ENOSF1: variants seen among roughly 807,000 people sequenced by gnomAD.
The protein encoded by ENOSF1 is mitochondrial enolase superfamily member 1.
Under a neutral mutation model 68.2 loss-of-function variants are expected in ENOSF1, and 73 were observed. That is an observed-to-expected ratio of 1.07 (90% CI 0.89 to 1.30). ENOSF1 has a LOEUF of 1.30. Among genes scored for constraint, ENOSF1 ranks in the 50% most tolerant of loss-of-function variants. The pLI is 0.00. For synonymous variants in ENOSF1, 223 were observed against 210.4 expected, an observed-to-expected ratio of 1.06 and a Z score of -0.52; for missense variants, 589 against 554.5, an observed-to-expected ratio of 1.06 and a Z score of -0.62.
At chr18:682,286 T>C (rs947232807) in intron 11 of ENOSF1, among the ~76,000 whole-genome samples, 2 of 152,172 alleles carry the variant, frequency 1.3e-5, no homozygotes, top group East Asian at 1.9e-4. Flanking sequence ...GCATGGCCTA[T>C]TGCTCCCAGG....
In ENOSF1 at chr18:712,529, A is replaced by C. The variant is rs568191831; in HGVS notation, c.59T>G (p.Leu20Arg). The C allele has an allele frequency of 6.5e-7, 1 of 1,539,454 alleles. No homozygotes were observed. The highest frequency in any genetic ancestry group is 2.4e-5 in the East Asian group (1 of 40,836). The stretch of plus-strand genomic sequence containing the variant: ...CATGGCGTCCGCGCCGTGGCCCCCA[A>C]GCGACGTGGGGAAGCGCACGTCCCG... ...SVRDVRFPTS[L>R]GGHGADAMHT... is the part of the protein sequence containing the mutation. Residue 20 changes from leucine (L) to arginine (R), a missense_variant, in exon 1 of 16, where the codon CTT becomes CGT. By Grantham distance (102) the Leu-to-Arg change is moderately radical. Transcript: ENST00000647584.
intron 5 of ENOSF1, 96 bp from the exon 6 acceptor site, chr18:691,372 G>T (rs1466952850): frequency 9.9e-7 from 1 of 1,006,102 alleles, no homozygotes; most frequent in African/African-American, 1.6e-5. Context: ...TAGAGACAAG[G>T]TCTCACTCTG....
In ENOSF1 at chr18:683,399, C is replaced by G. The variant is rs780217695; in HGVS notation, c.742-19G>C. ...CCATCATCTGCAAAAAGAGACTCTT[C>G]ACAGGGAGGTCAGCCCTGAGCCAAC... On this transcript the variant is annotated intron_variant, in intron 10 of 15. Coordinates refer to ENST00000647584, the MANE Select transcript of ENOSF1 (RefSeq NM_017512.7). The G allele has an allele frequency of 1.8e-5, 29 of 1,613,830 alleles. 1 individual carries two copies. In the East Asian group the frequency reaches 2.2e-4, roughly 12 times the overall value.
intron 4 of ENOSF1, 105 bp from the exon 5 acceptor site, chr18:694,013 G>T: frequency 7.7e-7 from 1 of 1,306,722 alleles, no homozygotes; most frequent in Non-Finnish European, 1.1e-6. Flanking sequence ...CAGCCACCAG[G>T]TCCCCACACC....
intron 5 of ENOSF1, 199 bp from the exon 6 acceptor site, chr18:691,475 A>C: frequency 1.8e-6 from 1 of 551,564 alleles, no homozygotes; most frequent in Non-Finnish European, 3.2e-6. Flanking sequence ...CCTCCTGAGT[A>C]GCTGGGACTC....
rs1307007684 is a variant in ENOSF1 at position 670,622 on chromosome 18, TTTTAC to T, written c.*3678_*3682del. 6.5e-6 allele frequency: 10 copies of T among 1,550,116 alleles called. No homozygotes were observed. In the African/African-American group the frequency reaches 1.1e-4, roughly 17 times the overall value. ...TGAGTTGGCTTCTGTTTCTCTCCTGTTTTACTTTGCCTTTAGCTGTGGTCTTTCAA... is the reference window on the plus strand; with the variant it reads ...TGAGTTGGCTTCTGTTTCTCTCCTGTTTTGCCTTTAGCTGTGGTCTTTCAA... On this transcript the variant is annotated 3_prime_UTR_variant, in exon 16 of 16. Coordinates refer to ENST00000647584, the MANE Select transcript of ENOSF1 (RefSeq NM_017512.7).
At chr18:681,680 T>C (rs1229279750) in intron 11 of ENOSF1, among the ~76,000 whole-genome samples, 2 of 152,222 alleles carry the variant, frequency 1.3e-5, no homozygotes, top group East Asian at 1.9e-4. Flanking sequence ...GCTTTCCTTA[T>C]GGAGTCAGCT....
Position 693,927 on chromosome 18 carries a change from G to A in ENOSF1, c.397-19C>T, listed in dbSNP as rs1316569025. On this transcript the variant is annotated intron_variant, in intron 4 of 15. Transcript: ENST00000647584. ...AGACAGGCTTGAAGTAAAAAAGAAA[G>A]GATTTGTAAGACATATGTGTAAAGT... is the stretch of plus-strand genomic sequence containing the variant. The A allele has an allele frequency of 1.9e-6, 3 of 1,613,666 alleles. No individual in the cohort carries two copies. Among genetic ancestry groups the A allele is most frequent in the Non-Finnish European group, 2.5e-6 (3 of 1,179,858 alleles).
intron 10 of ENOSF1, 27 bp from the exon 11 acceptor site, chr18:683,407 G>C: frequency 6.2e-7 from 1 of 1,613,234 alleles, no homozygotes. Flanking sequence ...TTCACAGGGA[G>C]GTCAGCCCTG....
At position 670,898 on chromosome 18, in the gene ENOSF1, G is replaced by C; in HGVS notation, c.*3407C>G. 6.2e-7 allele frequency: 1 copy of C among 1,611,650 alleles called. No individual in the cohort carries two copies. The highest frequency in any genetic ancestry group is 8.5e-7 in the Non-Finnish European group (1 of 1,178,408). ...CTGTCTCGGGAAGGGTGACTTGCCA[G>C]CCTACCACACTGAGCTCTTCAGTTC... On this transcript the variant is annotated 3_prime_UTR_variant, in exon 16 of 16. Coordinates refer to ENST00000647584, the MANE Select transcript of ENOSF1 (RefSeq NM_017512.7).
downstream of ENOSF1, among the ~76,000 whole-genome samples, chr18:666,986 GT>G (rs1363019619): frequency 6.4e-4 from 5 of 7,860 alleles, no homozygotes; most frequent in Non-Finnish European, 1.6e-3. Context: ...GATGGAGATG[GT>G]GATGGTGATG....
chr18:688,714 AC>A, intron 8 of ENOSF1, 106 bp from the exon 9 acceptor site: 1 of 960,980 alleles, frequency 1.0e-6, no homozygotes. Flanking sequence ...TATAGCATAG[AC>A]CAGAGTAACA....
chr18:685,251 C>A (rs527802734), intron 10 of ENOSF1, among the ~76,000 whole-genome samples: 2 of 152,048 alleles, frequency 1.3e-5, no homozygotes, highest in East Asian at 3.9e-4. Flanking sequence ...GCAATCCACT[C>A]ACCTAGGCAT....
chr18:712,557 C>G lies in ENOSF1; in HGVS notation c.31G>C (p.Val11Leu). MVRGRISRLS[V>L]RDVRFPTSLG... Reference sequence around the variant, plus strand: ...GACGTGGGGAAGCGCACGTCCCGGACCGAGAGCCGGGAGATCCTGCCGCGC... The same window carrying G: ...GACGTGGGGAAGCGCACGTCCCGGAGCGAGAGCCGGGAGATCCTGCCGCGC... Residue 11 changes from valine to leucine, a missense_variant, in exon 1 of 16, where the codon GTC (valine) becomes CTC (leucine). Val to Leu is a conservative substitution (Grantham distance 32). Coordinates refer to ENST00000647584, the MANE Select transcript of ENOSF1 (RefSeq NM_017512.7). 1 of 1,539,642 alleles carries G rather than the reference C, an allele frequency of 6.5e-7. No homozygotes were observed. Among genetic ancestry groups the G allele is most frequent in the Non-Finnish European group, 8.7e-7 (1 of 1,146,328 alleles).
rs572130242 is a variant in ENOSF1 at position 709,288 on chromosome 18, C to A, written c.85-2710G>T. ...GACCGGAAAGACACTGAGGCCTGAG[C>A]CTCAGAGAGGGAAGAAGGGGCCAGT... On this transcript the variant is annotated intron_variant, in intron 1 of 15. Coordinates refer to ENST00000647584, the MANE Select transcript of ENOSF1 (RefSeq NM_017512.7). Among the ~76,000 whole-genome samples, 8 of 151,952 alleles carry A rather than the reference C, an allele frequency of 5.3e-5. No individual in the cohort carries two copies. In the South Asian group the frequency reaches 1.7e-3, roughly 32 times the overall value.
At chr18:692,994 T>C (rs2077357142) in intron 5 of ENOSF1, 1 of 1,176,910 alleles carries the variant, frequency 8.5e-7, no homozygotes, top group Non-Finnish European at 1.1e-6. Context: ...ACGAGGTTTT[T>C]AACCGCCACC....
intron 1 of ENOSF1, chr18:707,772 C>G (rs2079088263): frequency 6.6e-6 from 1 of 152,078 alleles, no homozygotes; most frequent in Non-Finnish European, 1.5e-5. Flanking sequence ...AGTAGGTGCT[C>G]TTATCCTTAT....
chr18:687,893 GCA>G (rs2076762744), intron 9 of ENOSF1: 1 of 152,562 alleles, frequency 6.6e-6, no homozygotes, highest in African/African-American at 2.4e-5. Flanking sequence ...CTGGCTGGGT[GCA>G]GTGGCTCACG....
chr18:712,539 G>A lies in ENOSF1; in HGVS notation c.49C>T (p.Pro17Ser), dbSNP rs952440711. Residue 17 changes from proline to serine, a missense_variant, in exon 1 of 16, where the codon CCC becomes TCC. Pro to Ser is a moderately conservative substitution (Grantham distance 74). Transcript: ENST00000647584. The stretch of plus-strand genomic sequence containing the variant: ...GCGCCGTGGCCCCCAAGCGACGTGG[G>A]GAAGCGCACGTCCCGGACCGAGAGC... ...SRLSVRDVRF[P>S]TSLGGHGADA... 1.3e-6 allele frequency: 2 copies of A among 1,539,966 alleles called. No homozygotes were observed. The highest frequency in any genetic ancestry group is 2.7e-5 in the African/African-American group (2 of 72,990).
Sources: gnomAD v4.1 joint callset for allele counts (sites outside exome capture counted in the v4.1 genomes callset) on GRCh38, gnomAD v4.1.1 for gene constraint, MANE v1.5 for transcripts, NCBI Gene and HGNC (gene_info 2026-07-23, HGNC 2026-07-21) for gene names.